Variants in MEIKIN observed in about 807,000 individuals in gnomAD.
MEIKIN encodes meiotic kinetochore factor.
intron 4 of MEIKIN, among the ~76,000 whole-genome samples, chr5:131,940,272 C>T (rs1373110488): frequency 6.6e-6 from 1 of 152,174 alleles, no homozygotes; most frequent in East Asian, 1.9e-4. Flanking sequence ...AAAAGCATTT[C>T]CTGAGCACCT....
chr5:131,938,166 T>C (rs1030679984), intron 4 of MEIKIN, among the ~76,000 whole-genome samples: 59 of 70,370 alleles, frequency 8.4e-4, no homozygotes, highest in Non-Finnish European at 1.1e-3. Context: ...CCTCACCCCC[T>C]TTTTTTTTTT....
At chr5:131,884,551 T>C (rs908394012) in intron 8 of MEIKIN, among the ~76,000 whole-genome samples, 3 of 150,998 alleles carry the variant, frequency 2.0e-5, no homozygotes, top group Non-Finnish European at 4.4e-5. Context: ...TAGTATACCA[T>C]GGCCCTTGGG....
At chr5:131,834,738 G>A (rs1342842446) in intron 11 of MEIKIN, among the ~76,000 whole-genome samples, 1 of 152,066 alleles carries the variant, frequency 6.6e-6, no homozygotes, top group African/African-American at 2.4e-5. Flanking sequence ...CTCATATCTT[G>A]ACTATTGTAA....
chr5:131,829,428 C>T (rs1007584472), intron 11 of MEIKIN, among the ~76,000 whole-genome samples: 7 of 151,942 alleles, frequency 4.6e-5, no homozygotes, highest in African/African-American at 7.3e-5. Context: ...GATGATGGTA[C>T]GAGGAGATCC....
At chr5:131,814,278 CTTTTT>C (rs35694343) in intron 12 of MEIKIN, among the ~76,000 whole-genome samples, 2 of 137,052 alleles carry the variant, frequency 1.5e-5, no homozygotes, top group Admixed American at 7.3e-5. Context: ...TTGGACAGAT[CTTTTT>C]TTTTTTTTTT....
At chr5:131,879,871 C>CTATGTG (rs1221197061) in intron 8 of MEIKIN, among the ~76,000 whole-genome samples, 1 of 152,176 alleles carries the variant, frequency 6.6e-6, no homozygotes, top group Non-Finnish European at 1.5e-5. Flanking sequence ...TGAGTGTCTG[C>CTATGTG]TATGTGCCAA....
At chr5:131,927,774 A>T (rs1036086621) in intron 5 of MEIKIN, among the ~76,000 whole-genome samples, 1 of 151,462 alleles carries the variant, frequency 6.6e-6, no homozygotes, top group Non-Finnish European at 1.5e-5. Context: ...AAATATAGCC[A>T]CCCTCCTCTC....
chr5:131,857,006 T>C (rs992941392), intron 9 of MEIKIN, among the ~76,000 whole-genome samples: 1 of 151,794 alleles, frequency 6.6e-6, no homozygotes, highest in African/African-American at 2.4e-5. Flanking sequence ...GTGCACAACG[T>C]GCAGGTTAGT....
chr5:131,862,184 TG>T (rs1285459898), intron 9 of MEIKIN, among the ~76,000 whole-genome samples: 1 of 152,164 alleles, frequency 6.6e-6, no homozygotes, highest in Non-Finnish European at 1.5e-5. Context: ...CTTGGTAGGT[TG>T]TATGTTTCCA....
rs199808083 is a variant in MEIKIN, at chr5:131,936,986, T to TA, written c.350-3346dup. Among the ~76,000 whole-genome samples the TA allele has an allele frequency of 3.7e-3, 568 of 152,272 alleles. 3 individuals are homozygous for TA. Among genetic ancestry groups the TA allele is most frequent in the Non-Finnish European group, 6.2e-3 (419 of 68,016 alleles). ...TCTTCTTCTGTCTTTTCTTCTTTTT[T>TA]AAAAAAGTATAGCTATTGGAGATCT... On this transcript the variant is annotated intron_variant, in intron 4 of 12. Transcript: ENST00000442687.
At chr5:131,811,587 A>G (rs1411484692) in intron 12 of MEIKIN, among the ~76,000 whole-genome samples, 1 of 147,930 alleles carries the variant, frequency 6.8e-6, no homozygotes, top group Non-Finnish European at 1.5e-5. Flanking sequence ...GATTACAGGC[A>G]TGAGCCATCA....
At chr5:131,851,643 A>G (rs1054038494) in intron 10 of MEIKIN, among the ~76,000 whole-genome samples, 4 of 152,188 alleles carry the variant, frequency 2.6e-5, no homozygotes, top group African/African-American at 9.6e-5. Flanking sequence ...TTAATTAGGA[A>G]TTTTTGTTTG....
At chr5:131,847,661 G>A (rs1180267798) in intron 11 of MEIKIN, among the ~76,000 whole-genome samples, 1 of 151,796 alleles carries the variant, frequency 6.6e-6, no homozygotes, top group Admixed American at 6.6e-5. Flanking sequence ...TGAAAATAGA[G>A]GACTTACAAT....
At chr5:131,939,105 G>A (rs895288324) in intron 4 of MEIKIN, among the ~76,000 whole-genome samples, 6 of 152,048 alleles carry the variant, frequency 3.9e-5, no homozygotes, top group African/African-American at 1.2e-4. Flanking sequence ...TTTCCTCCCC[G>A]GCCACTGCTA....
At position 131,867,776 on chromosome 5, in the gene MEIKIN, TGAA is replaced by T. The variant is rs1403820362; in HGVS notation, c.774+11199_774+11201del. 2.6e-5 allele frequency among the ~76,000 whole-genome samples: 4 copies of T among 152,344 alleles called. No individual in the cohort carries two copies. In the East Asian group the frequency reaches 5.8e-4, roughly 22 times the overall value. The stretch of plus-strand genomic sequence containing the variant: ...ACAGTTTATTTATGCATTCACCTAA[TGAA>T]GAACATTTTCGTTGCTTCCAAGTTT... On this transcript the variant is annotated intron_variant, in intron 9 of 12. Transcript: ENST00000442687.
At chr5:131,847,873 T>C (rs1435189143) in intron 11 of MEIKIN, among the ~76,000 whole-genome samples, 1 of 150,668 alleles carries the variant, frequency 6.6e-6, no homozygotes, top group East Asian at 1.9e-4. Flanking sequence ...CCAGAGTTTG[T>C]GAAACTGAAA....
chr5:131,928,000 C>T (rs1420603925), intron 5 of MEIKIN, among the ~76,000 whole-genome samples: 8 of 151,784 alleles, frequency 5.3e-5, no homozygotes, highest in Admixed American at 3.9e-4. Flanking sequence ...AAAAATTAGC[C>T]GGGCACGGTG....
rs1158220526 is a variant in MEIKIN, at chr5:131,845,272, T to TAA, written c.975+5990_975+5991dup. 5.5e-3 allele frequency among the ~76,000 whole-genome samples: 250 copies of TAA among 45,338 alleles called. 16 individuals carry two copies. The highest frequency in any genetic ancestry group is 0.015 in the East Asian group (28 of 1,926). 29.7% of individuals were successfully genotyped at this position (45,338 alleles called of 152,430 possible). Reference sequence around the variant, plus strand: ...GTGACAGAGCGAGAAGACTTCGTCTTAAAAAAAAAAAAAAAAAAAAAAAAA... The same window carrying TAA: ...GTGACAGAGCGAGAAGACTTCGTCTTAAAAAAAAAAAAAAAAAAAAAAAAAAA... On this transcript the variant is annotated intron_variant, in intron 11 of 12. Transcript: ENST00000442687.
intron 9 of MEIKIN, among the ~76,000 whole-genome samples, chr5:131,867,327 A>G (rs900276346): frequency 6.6e-6 from 1 of 152,164 alleles, no homozygotes; most frequent in African/African-American, 2.4e-5. Flanking sequence ...ATCCTATACA[A>G]TAGTGGTCTA....
Sources: gnomAD v4.1 joint callset for allele counts (sites outside exome capture counted in the v4.1 genomes callset) on GRCh38, gnomAD v4.1.1 for gene constraint, MANE v1.5 for transcripts, NCBI Gene and HGNC (gene_info 2026-07-23, HGNC 2026-07-21) for gene names.